Variants in CHLSN observed in about 807,000 individuals in gnomAD.
The protein encoded by CHLSN is protein cholesin.
chr7:1,127,153 C>G, the CHLSN span: 3 of 1,377,206 alleles, frequency 2.2e-6, no homozygotes, highest in South Asian at 4.6e-5. Flanking sequence ...CTGTTCCAGG[C>G]TCTGCTCCAC....
At chr7:1,001,269 G>GA in the CHLSN span, among the ~76,000 whole-genome samples, 2 of 152,218 alleles carry the variant, frequency 1.3e-5, no homozygotes, top group Admixed American at 1.3e-4. Flanking sequence ...CAGCACGGGG[G>GA]AGGGCCCTGT....
At chr7:1,058,357 C>G in the CHLSN span, 4 of 779,616 alleles carry the variant, frequency 5.1e-6, no homozygotes, top group African/African-American at 6.8e-5. Flanking sequence ...AAGGATTTCT[C>G]CAAACTCCTG....
chr7:1,057,274 G>A, the CHLSN span, among the ~76,000 whole-genome samples: 5 of 152,126 alleles, frequency 3.3e-5, no homozygotes, highest in African/African-American at 7.2e-5. Context: ...AACCCCAGCC[G>A]CTGAAATAAG....
At chr7:1,095,620 G>A in the CHLSN span, among the ~76,000 whole-genome samples, 65 of 152,358 alleles carry the variant, frequency 4.3e-4, no homozygotes, top group African/African-American at 1.5e-3. Context: ...CTGACGTGGG[G>A]AGACCCACAC....
the CHLSN span, chr7:1,091,644 G>A: frequency 3.0e-5 from 30 of 1,013,616 alleles, no homozygotes; most frequent in Admixed American, 3.1e-4. Flanking sequence ...GGAGAATCAC[G>A]CTTCTTTCTA....
chr7:1,100,059 G>A, the CHLSN span, among the ~76,000 whole-genome samples: 31,488 of 152,192 alleles, frequency 0.21, 3,523 homozygotes, highest in Middle Eastern at 0.34. Flanking sequence ...TCTGTGCACC[G>A]CAAGCCAAAT....
At chr7:1,042,162 A>C in the CHLSN span, among the ~76,000 whole-genome samples, 1 of 151,976 alleles carries the variant, frequency 6.6e-6, no homozygotes, top group Non-Finnish European at 1.5e-5. Context: ...CGCAACACAC[A>C]CGGCACACAA....
the CHLSN span, chr7:1,028,209 C>T: frequency 3.9e-6 from 4 of 1,034,472 alleles, 1 homozygote; most frequent in South Asian, 5.6e-5. Context: ...AGGGCCCCTC[C>T]CATCCCCTCC....
At chr7:1,045,768 T>C in the CHLSN span, 4 of 152,362 alleles carry the variant, frequency 2.6e-5, no homozygotes, top group African/African-American at 9.6e-5. Context: ...ACAAGTGACT[T>C]AAGAACATAG....
At chr7:987,452 A>G in the CHLSN span, 1 of 1,580,480 alleles carries the variant, frequency 6.3e-7, no homozygotes, top group East Asian at 2.3e-5. Flanking sequence ...CACGAGGTGC[A>G]GCGGTTCATC....
At chr7:1,089,544 G>A in the CHLSN span, among the ~76,000 whole-genome samples, 6,171 of 151,884 alleles carry the variant, frequency 0.041, 430 homozygotes, top group African/African-American at 0.14. Context: ...TCAGCCTCCC[G>A]AGTAGCTGGG....
chr7:1,016,643 GCACAGCAGCACACAGCAGC>G, the CHLSN span, among the ~76,000 whole-genome samples: 3 of 65,226 alleles, frequency 4.6e-5, no homozygotes, highest in African/African-American at 8.0e-5. Context: ...GCACGCCAGC[GCACAGCAGCACACAGCAGC>G]GCACAGCAGC....
chr7:1,115,550 G>C, the CHLSN span, among the ~76,000 whole-genome samples: 24 of 139,496 alleles, frequency 1.7e-4, 1 homozygote, highest in Admixed American at 1.7e-3. Context: ...CATCACTACA[G>C]CTCTACGGAC....
At chr7:1,005,263 C>T in the CHLSN span, among the ~76,000 whole-genome samples, 1 of 152,186 alleles carries the variant, frequency 6.6e-6, no homozygotes, top group Non-Finnish European at 1.5e-5. Context: ...TGCACTCCAG[C>T]CTGGCGACAG....
chr7:1,058,523 C>A, the CHLSN span: 1 of 776,174 alleles, frequency 1.3e-6, no homozygotes. Context: ...CGTAGGCGGC[C>A]CAGCCCTCCT....
At chr7:1,058,027 T>C in the CHLSN span, 2 of 769,572 alleles carry the variant, frequency 2.6e-6, no homozygotes, top group Non-Finnish European at 4.8e-6. Flanking sequence ...TGCAGCCATG[T>C]GTCCACCCGC....
At chr7:1,016,422 C>G in the CHLSN span, among the ~76,000 whole-genome samples, 7 of 41,324 alleles carry the variant, frequency 1.7e-4, no homozygotes, top group Admixed American at 4.8e-4. Context: ...GCAGCGCACG[C>G]CAGCACACAG....
the CHLSN span, among the ~76,000 whole-genome samples, chr7:1,075,242 G>A: frequency 1.1e-4 from 17 of 152,144 alleles, no homozygotes; most frequent in Admixed American, 2.6e-4. Flanking sequence ...GGCCAGGGGC[G>A]GTGGCTCACG....
chr7:1,079,972 C>T, the CHLSN span, among the ~76,000 whole-genome samples: 1 of 152,258 alleles, frequency 6.6e-6, no homozygotes, highest in East Asian at 1.9e-4. Context: ...CTCTGCGTGG[C>T]TCAGGAACGA....
Sources: gnomAD v4.1 joint callset for allele counts (sites outside exome capture counted in the v4.1 genomes callset) on GRCh38, gnomAD v4.1.1 for gene constraint, MANE v1.5 for transcripts, NCBI Gene and HGNC (gene_info 2026-07-23, HGNC 2026-07-21) for gene names.